ZBTB20: variants seen among roughly 807,000 people sequenced by gnomAD.
ZBTB20 encodes zinc finger and BTB domain-containing protein 20.
ZBTB20 carries 9 observed loss-of-function variants against 56.9 expected under a neutral mutation model. The observed-to-expected ratio is 0.16, with a 90% CI of 0.10 to 0.28. The LOEUF (loss-of-function observed/expected upper bound fraction) is 0.28, where lower values mean the gene tolerates loss of function less well. ZBTB20 is among the 10% of genes least tolerant of loss of function. ZBTB20 has a pLI of 1.00. For missense variants in ZBTB20, 655 were observed against 1,003.0 expected (o/e 0.65, Z 4.69); for synonymous variants, 417 against 420.7 (o/e 0.99, Z 0.11).
In ZBTB20 at chr3:114,702,270, C is replaced by G. The variant is rs530084040; in HGVS notation, c.-342-8695G>C. On this transcript the variant is annotated intron_variant, in intron 5 of 11. Transcript: ENST00000675478. The stretch of plus-strand genomic sequence containing the variant: ...AGGCTGAGGCTGAGGATTGATTGAG[C>G]CCAGGAGACCGAGGCTGCAGTGAGC... Among the ~76,000 whole-genome samples, 3 of 152,238 alleles carry G rather than the reference C, an allele frequency of 2.0e-5. No homozygotes were observed. In the East Asian group the frequency reaches 5.8e-4, roughly 29 times the overall value.
intron 7 of ZBTB20, among the ~76,000 whole-genome samples, chr3:114,437,324 G>A (rs1486122517): frequency 6.6e-6 from 1 of 152,168 alleles, no homozygotes; most frequent in Non-Finnish European, 1.5e-5. Flanking sequence ...TGGTTGTGCT[G>A]TTGCTCAACA....
chr3:114,675,495 C>T (rs548656772), intron 6 of ZBTB20, among the ~76,000 whole-genome samples: 107 of 152,134 alleles, frequency 7.0e-4, no homozygotes, highest in Admixed American at 1.0e-3. Context: ...AAATAATATT[C>T]CTTTATGTAT....
At chr3:114,623,781 C>T (rs1315240886) in intron 6 of ZBTB20, among the ~76,000 whole-genome samples, 1 of 151,998 alleles carries the variant, frequency 6.6e-6, no homozygotes, top group East Asian at 1.9e-4. Flanking sequence ...CATCTACCTC[C>T]CTGAATACTA....
chr3:114,893,955 C>T (rs762410808), intron 4 of ZBTB20, among the ~76,000 whole-genome samples: 2 of 152,136 alleles, frequency 1.3e-5, no homozygotes, highest in African/African-American at 4.8e-5. Context: ...GGAGTAAACA[C>T]GTCGGCAGTC....
intron 3 of ZBTB20, among the ~76,000 whole-genome samples, chr3:114,944,842 G>A (rs2076832631): frequency 6.9e-6 from 1 of 145,428 alleles, no homozygotes; most frequent in Non-Finnish European, 1.5e-5. Context: ...GATGAAGAAA[G>A]GGGAGATGTT....
chr3:114,646,225 C>T (rs897518657), intron 6 of ZBTB20, among the ~76,000 whole-genome samples: 2 of 151,640 alleles, frequency 1.3e-5, no homozygotes, highest in South Asian at 4.2e-4. Context: ...CCATTGCAAA[C>T]CCTGTCCTTG....
At chr3:114,398,335 C>A (rs946145740) in intron 7 of ZBTB20, among the ~76,000 whole-genome samples, 1 of 152,052 alleles carries the variant, frequency 6.6e-6, no homozygotes, top group African/African-American at 2.4e-5. Flanking sequence ...GATGTTATAA[C>A]CATGTCATCG....
rs1384678391 is a variant in ZBTB20 at position 114,325,795 on chromosome 3, A to G, written c.*13210T>C. 1 of 152,238 alleles carries G rather than the reference A, an allele frequency of 6.6e-6. No individual in the cohort carries two copies. Among genetic ancestry groups the G allele is most frequent in the African/African-American group, 2.4e-5 (1 of 41,454 alleles). 9.4% of individuals were successfully genotyped at this position (152,238 alleles called of 1,614,324 possible). A position where few individuals can be genotyped will look rare whatever the true frequency, so the allele number is the denominator to read the frequency against. On this transcript the variant is annotated 3_prime_UTR_variant, in exon 12 of 12. Transcript: ENST00000675478. ...ATTATAGCACAAAAGAAAGGTTACA[A>G]AAACGTTGTCAGGCTATCTGTTAAT...
chr3:114,623,490 A>G (rs2058458984), intron 6 of ZBTB20, among the ~76,000 whole-genome samples: 1 of 152,162 alleles, frequency 6.6e-6, no homozygotes, highest in Non-Finnish European at 1.5e-5. Context: ...GCTTGATACT[A>G]TGAATGCAGA....
intron 4 of ZBTB20, among the ~76,000 whole-genome samples, chr3:114,859,160 C>CT (rs397718519): frequency 2.0e-5 from 3 of 151,480 alleles, no homozygotes; most frequent in African/African-American, 7.3e-5. Context: ...TTCTTCCTCT[C>CT]CCTTCTGCTG....
intron 11 of ZBTB20, among the ~76,000 whole-genome samples, chr3:114,347,447 T>C (rs781204527): frequency 6.6e-6 from 1 of 152,158 alleles, no homozygotes; most frequent in Non-Finnish European, 1.5e-5. Context: ...TCCCCGTGCT[T>C]TCTAGAATCT....
chr3:114,735,650 T>C (rs2066095648), intron 5 of ZBTB20, among the ~76,000 whole-genome samples: 1 of 152,188 alleles, frequency 6.6e-6, no homozygotes, highest in Non-Finnish European at 1.5e-5. Flanking sequence ...GTTTAAAATA[T>C]AACCAGTTGA....
At chr3:115,042,508 A>T (rs2081181394) in intron 2 of ZBTB20, among the ~76,000 whole-genome samples, 1 of 152,208 alleles carries the variant, frequency 6.6e-6, no homozygotes, top group Non-Finnish European at 1.5e-5. Context: ...GAAACAAAGT[A>T]TCCAGTGTAT....
At position 115,105,854 on chromosome 3, in the gene ZBTB20, G is replaced by A. The variant is rs567051058; in HGVS notation, c.-702-34440C>T. ...TTTGTTTGTTTTTTGAGACAGCTCC[G>A]TCGCCCAGGCTGGAGTGCAGTGGTG... On this transcript the variant is annotated intron_variant, in intron 1 of 11. Transcript: ENST00000675478. Among the ~76,000 whole-genome samples the A allele has an allele frequency of 9.9e-4, 151 of 152,238 alleles. 1 individual carries two copies. The highest frequency in any genetic ancestry group is 4.6e-3 in the South Asian group (22 of 4,828).
chr3:115,023,246 C>G (rs1462026211), intron 2 of ZBTB20, among the ~76,000 whole-genome samples: 1 of 150,820 alleles, frequency 6.6e-6, no homozygotes, highest in East Asian at 1.9e-4. Flanking sequence ...GGGTTTCTAT[C>G]TTTTTTTAAA....
chr3:114,622,703 C>T (rs9860965), intron 6 of ZBTB20, among the ~76,000 whole-genome samples: 22,672 of 152,162 alleles, frequency 0.15, 1,930 homozygotes, highest in Admixed American at 0.25. Flanking sequence ...TACGCTGGAT[C>T]GCTGTACCTA....
In ZBTB20 at chr3:114,891,978, T is replaced by C. The variant is rs982680450; in HGVS notation, c.-417+8326A>G. Among the ~76,000 whole-genome samples, 49 of 151,416 alleles carry C rather than the reference T, an allele frequency of 3.2e-4. 1 individual carries two copies. Among genetic ancestry groups the C allele is most frequent in the Admixed American group, 1.1e-3 (16 of 15,188 alleles). On this transcript the variant is annotated intron_variant, in intron 4 of 11. Transcript: ENST00000675478. ...AGGAGAATTGTTTGAACCCAGGAAG[T>C]GGAGGTTGCAGTGAGCCGTGATCGC...
At chr3:114,445,802 A>C (rs2091232408) in intron 7 of ZBTB20, among the ~76,000 whole-genome samples, 1 of 152,106 alleles carries the variant, frequency 6.6e-6, no homozygotes, top group Non-Finnish European at 1.5e-5. Context: ...ATAAGTATAA[A>C]ATATATATGG....
At chr3:114,665,815 G>C (rs956371876) in intron 6 of ZBTB20, among the ~76,000 whole-genome samples, 2 of 152,036 alleles carry the variant, frequency 1.3e-5, no homozygotes, top group Admixed American at 1.3e-4. Flanking sequence ...TTACTTAACA[G>C]ACATCACACT....
Sources: allele counts gnomAD v4.1 joint callset (sites outside exome capture counted in the v4.1 genomes callset), GRCh38; gene constraint gnomAD v4.1.1; transcripts MANE v1.5; gene names NCBI Gene and HGNC (gene_info 2026-07-23, HGNC 2026-07-21).